Variants in LHFPL3 observed in about 807,000 individuals in gnomAD.
LHFPL3 encodes the protein LHFPL tetraspan subfamily member 3.
A neutral mutation model predicts 19.3 loss-of-function variants in LHFPL3; 5 were observed. That is an observed-to-expected ratio of 0.26 (90% confidence interval 0.14 to 0.54). LHFPL3 has a LOEUF of 0.54. LHFPL3 is among the 20% of genes least tolerant of loss of function. LHFPL3 has a pLI of 0.94. For missense variants in LHFPL3, 249 were observed against 307.4 expected (o/e 0.81, Z 1.42); for synonymous variants, 133 against 126.2 (o/e 1.05, Z -0.36).
chr7:104,685,304 G>A (rs1399918151), intron 1 of LHFPL3, among the ~76,000 whole-genome samples: 4 of 152,144 alleles, frequency 2.6e-5, no homozygotes, highest in Non-Finnish European at 5.9e-5. Flanking sequence ...CCAAGATCCC[G>A]CCACTGCACT....
At chr7:104,534,294 A>G (rs1562928041) in intron 1 of LHFPL3, among the ~76,000 whole-genome samples, 1 of 152,346 alleles carries the variant, frequency 6.6e-6, no homozygotes, top group Non-Finnish European at 1.5e-5. Context: ...TCAACTCTAG[A>G]GATCATAGCT....
At chr7:104,753,202 T>A (rs1794211147) in intron 2 of LHFPL3, among the ~76,000 whole-genome samples, 1 of 152,002 alleles carries the variant, frequency 6.6e-6, no homozygotes, top group South Asian at 2.1e-4. Flanking sequence ...AACTTTAGAG[T>A]TCCTTTCATA....
chr7:104,790,529 C>A (rs1345349969), intron 2 of LHFPL3, among the ~76,000 whole-genome samples: 1 of 152,066 alleles, frequency 6.6e-6, no homozygotes, highest in Non-Finnish European at 1.5e-5. Context: ...GGACCACTTT[C>A]CCCAACCAGA....
intron 2 of LHFPL3, among the ~76,000 whole-genome samples, chr7:104,861,096 T>C (rs1412336217): frequency 6.6e-6 from 1 of 152,196 alleles, no homozygotes; most frequent in Non-Finnish European, 1.5e-5. Flanking sequence ...CATTTTGTTG[T>C]TGATAAAGGT....
chr7:104,408,732 C>G (rs1311992004), intron 1 of LHFPL3, among the ~76,000 whole-genome samples: 1 of 152,134 alleles, frequency 6.6e-6, no homozygotes. Flanking sequence ...CTGTCTGGAT[C>G]CTAGCAGAAG....
intron 2 of LHFPL3, among the ~76,000 whole-genome samples, chr7:104,824,281 TATATATA>T (rs1273148419): frequency 1.3e-4 from 3 of 22,880 alleles, no homozygotes; most frequent in East Asian, 7.7e-3. Flanking sequence ...TTATATACAA[TATATATA>T]ATATATTATA....
chr7:104,856,344 G>C (rs1791506398), intron 2 of LHFPL3, among the ~76,000 whole-genome samples: 1 of 145,862 alleles, frequency 6.9e-6, no homozygotes, highest in Non-Finnish European at 1.5e-5. Flanking sequence ...TCTGCCTCCG[G>C]ATTCAAGCAA....
intron 1 of LHFPL3, among the ~76,000 whole-genome samples, chr7:104,512,850 T>C (rs1223227086): frequency 3.3e-5 from 5 of 152,222 alleles, no homozygotes; most frequent in African/African-American, 4.8e-5. Flanking sequence ...GCTTGAGTTA[T>C]ATCTTGGAGG....
chr7:104,517,236 C>A (rs1354842723), intron 1 of LHFPL3, among the ~76,000 whole-genome samples: 1 of 151,990 alleles, frequency 6.6e-6, no homozygotes, highest in African/African-American at 2.4e-5. Context: ...GTACAACAAA[C>A]CCCCATGACA....
At position 104,907,164 on chromosome 7, in the gene LHFPL3, T is replaced by C. The variant is rs1792637224; in HGVS notation, c.*949T>C. On this transcript the variant is annotated 3_prime_UTR_variant, in exon 3 of 3. Transcript: ENST00000424859. ...AGTATCTAAAATGTCTCCTACTTTT[T>C]TCCTATTTCTTTGCCATACATGTTA... is the stretch of plus-strand genomic sequence containing the variant. 6.6e-6 allele frequency: 1 copy of C among 152,642 alleles called. No individual in the cohort carries two copies. The highest frequency in any genetic ancestry group is 1.5e-5 in the Non-Finnish European group (1 of 68,018). 9.5% of individuals were successfully genotyped at this position (152,642 alleles called of 1,614,324 possible). A position where few individuals can be genotyped will look rare whatever the true frequency, so the allele number is the denominator to read the frequency against.
intron 2 of LHFPL3, among the ~76,000 whole-genome samples, chr7:104,766,385 A>C (rs1794459609): frequency 6.6e-6 from 1 of 152,216 alleles, no homozygotes; most frequent in Admixed American, 6.5e-5. Context: ...AACCAATAGC[A>C]AAGAGGATCT....
intron 2 of LHFPL3, among the ~76,000 whole-genome samples, chr7:104,811,561 TC>T (rs1790471215): frequency 6.6e-6 from 1 of 151,744 alleles, no homozygotes; most frequent in Non-Finnish European, 1.5e-5. Context: ...CATACATATA[TC>T]CCCAATCCTA....
intron 1 of LHFPL3, among the ~76,000 whole-genome samples, chr7:104,588,416 C>A: frequency 6.6e-6 from 1 of 152,172 alleles, no homozygotes; most frequent in East Asian, 1.9e-4. Context: ...TGTCAAAGAT[C>A]AGATGGTTGT....
chr7:104,573,743 A>G (rs2115997026), intron 1 of LHFPL3, among the ~76,000 whole-genome samples: 1 of 152,336 alleles, frequency 6.6e-6, no homozygotes, highest in East Asian at 1.9e-4. Context: ...GTCCTGATAA[A>G]CAGGTGGTTA....
At chr7:104,859,365 G>T (rs1791571284) in intron 2 of LHFPL3, among the ~76,000 whole-genome samples, 1 of 151,642 alleles carries the variant, frequency 6.6e-6, no homozygotes, top group Non-Finnish European at 1.5e-5. Flanking sequence ...AATACTTTCT[G>T]CATTCAAAAA....
intron 1 of LHFPL3, among the ~76,000 whole-genome samples, chr7:104,726,967 TA>T (rs1793603409): frequency 6.6e-6 from 1 of 152,224 alleles, no homozygotes; most frequent in Admixed American, 6.5e-5. Flanking sequence ...AAAGTGTTCC[TA>T]TTTCTCCACA....
chr7:104,348,213 C>T (rs900184432), intron 1 of LHFPL3, among the ~76,000 whole-genome samples: 18 of 152,148 alleles, frequency 1.2e-4, no homozygotes, highest in African/African-American at 4.3e-4. Context: ...GGTGAAACCT[C>T]ATCTCTACTA....
At chr7:104,448,598 C>G (rs1437355862) in intron 1 of LHFPL3, among the ~76,000 whole-genome samples, 1 of 152,124 alleles carries the variant, frequency 6.6e-6, no homozygotes, top group South Asian at 2.1e-4. Context: ...TTTGGAACCT[C>G]TTTTTGAAAA....
At chr7:104,844,250 T>G (rs1335210535) in intron 2 of LHFPL3, among the ~76,000 whole-genome samples, 2 of 152,218 alleles carry the variant, frequency 1.3e-5, no homozygotes, top group Non-Finnish European at 2.9e-5. Context: ...ACTGGCACCT[T>G]TCAGCAGTTC....
Sources: gnomAD v4.1 joint callset for allele counts (sites outside exome capture counted in the v4.1 genomes callset) on GRCh38, gnomAD v4.1.1 for gene constraint, MANE v1.5 for transcripts, NCBI Gene and HGNC (gene_info 2026-07-23, HGNC 2026-07-21) for gene names.